Variants in PPIH observed in about 807,000 individuals in gnomAD.
PPIH encodes the protein peptidyl-prolyl cis-trans isomerase H.
PPIH carries 16 observed loss-of-function variants against 27.6 expected under a neutral mutation model. That is an observed-to-expected ratio of 0.58 (90% CI 0.39 to 0.88). The LOEUF is 0.88. Among genes scored for constraint, PPIH ranks in the 40% least tolerant of loss-of-function variants. The pLI, the probability that PPIH is intolerant of heterozygous loss-of-function variation, is 0.00. For missense variants in PPIH, 155 were observed against 224.1 expected, an observed-to-expected ratio of 0.69 and a Z score of 1.97; for synonymous variants, 63 against 76.1, an observed-to-expected ratio of 0.83 and a Z score of 0.90.
intron 5 of PPIH, among the ~76,000 whole-genome samples, chr1:42,663,900 T>G (rs1272195291): frequency 1.3e-5 from 2 of 152,190 alleles, no homozygotes; most frequent in Admixed American, 6.5e-5. Context: ...GAGGAGAGCT[T>G]GATCTTTTTG....
At chr1:42,671,210 C>G (rs979979503) in intron 9 of PPIH, among the ~76,000 whole-genome samples, 3 of 152,130 alleles carry the variant, frequency 2.0e-5, no homozygotes, top group African/African-American at 7.2e-5. Flanking sequence ...AGGTGGATCG[C>G]TTGAGGCCAG....
At chr1:42,669,617 T>C (rs1649523548) in intron 9 of PPIH, among the ~76,000 whole-genome samples, 1 of 152,228 alleles carries the variant, frequency 6.6e-6, no homozygotes, top group East Asian at 1.9e-4. Context: ...TTATATGTTG[T>C]AATTGTTTTC....
chr1:42,659,281 C>T (rs747217439), intron 3 of PPIH, 30 bp downstream of exon 3: 140 of 1,614,052 alleles, frequency 8.7e-5, no homozygotes, highest in Non-Finnish European at 1.1e-4. Flanking sequence ...GACTTCTTTG[C>T]CTGCTCCAGA....
At position 42,667,443 on chromosome 1, in the gene PPIH, A is replaced by G; in HGVS notation, c.*21+3A>G. ...AGTCCAGACAAAGACTGAATCAGGT[A>G]AGTGTGTCTTTCTCCTATTAGGTTA... On this transcript the variant is annotated splice_donor_region_variant and intron_variant, in intron 9 of 9. Transcript: ENST00000304979. The G allele has an allele frequency of 3.2e-6, 5 of 1,559,366 alleles. No homozygotes were observed. Among genetic ancestry groups the G allele is most frequent in the Non-Finnish European group, 4.4e-6 (5 of 1,130,500 alleles).
At chr1:42,681,075 C>T (rs1650005527), downstream of PPIH, 1 of 152,224 alleles carries the variant, frequency 6.6e-6, no homozygotes. Context: ...CTCCTAACTG[C>T]TTTCTCTACT....
intron 9 of PPIH, among the ~76,000 whole-genome samples, chr1:42,671,064 G>A (rs1418198718): frequency 6.6e-6 from 1 of 152,026 alleles, no homozygotes; most frequent in Non-Finnish European, 1.5e-5. Flanking sequence ...CCAAAGTGCT[G>A]GGATTATAGG....
chr1:42,669,383 T>G (rs79951568), intron 9 of PPIH, among the ~76,000 whole-genome samples: 1,751 of 152,250 alleles, frequency 0.012, 35 homozygotes, highest in African/African-American at 0.04. Context: ...ACAAACGTAT[T>G]AAAAATATTG....
chr1:42,671,555 C>T (rs1418827217), intron 9 of PPIH, among the ~76,000 whole-genome samples: 1 of 152,218 alleles, frequency 6.6e-6, no homozygotes, highest in Non-Finnish European at 1.5e-5. Flanking sequence ...TTGCTTAGAA[C>T]TGAATCTCGT....
intron 4 of PPIH, 61 bp from the exon 5 acceptor site, chr1:42,660,801 A>G: frequency 7.4e-6 from 10 of 1,357,478 alleles, no homozygotes; most frequent in Non-Finnish European, 1.0e-5. Flanking sequence ...TACAATAATA[A>G]CAACATCTAT....
chr1:42,678,561 G>A (rs1189064092), downstream of PPIH, among the ~76,000 whole-genome samples: 3 of 151,990 alleles, frequency 2.0e-5, no homozygotes, highest in South Asian at 2.1e-4. Context: ...CACCGTGCCC[G>A]TCTAATTTTT....
At chr1:42,658,679 C>T in intron 1 of PPIH, 165 bp from the exon 2 acceptor site, 1 of 1,107,946 alleles carries the variant, frequency 9.0e-7, no homozygotes. Flanking sequence ...AGGAGTCTCC[C>T]CAATCCTAGC....
chr1:42,661,961 A>G (rs1649048100), intron 5 of PPIH, among the ~76,000 whole-genome samples: 2 of 152,190 alleles, frequency 1.3e-5, no homozygotes, highest in Non-Finnish European at 1.5e-5. Context: ...CCCTTTGGAC[A>G]TGGCATATCT....
rs575915706 is a variant in PPIH at position 42,661,007 on chromosome 1, A to G, written c.243+103A>G. ...CAGAGACCCAGTCTTCAGGCTTGAG[A>G]ACAATAGCCAGGTTTGATGTGGGTG... On this transcript the variant is annotated intron_variant, in intron 5 of 9. Transcript: ENST00000304979. The G allele has an allele frequency of 2.8e-6, 3 of 1,080,334 alleles. No individual in the cohort carries two copies. In the East Asian group the frequency reaches 7.3e-5, roughly 26 times the overall value. The allele number at this position is 1,080,334 out of a possible 1,614,324, so 66.9% of individuals were successfully genotyped here. A position where few individuals can be genotyped will look rare whatever the true frequency, so the allele number is the denominator to read the frequency against.
chr1:42,666,117 A>T, intron 7 of PPIH, 50 bp downstream of exon 7: 1 of 1,527,522 alleles, frequency 6.5e-7, no homozygotes, highest in Non-Finnish European at 9.1e-7. Flanking sequence ...CCCTGGATGG[A>T]ACCTCCAGAG....
At chr1:42,675,306 C>G (rs1218527911) in intron 9 of PPIH, 2 of 152,228 alleles carry the variant, frequency 1.3e-5, no homozygotes, top group African/African-American at 4.8e-5. Context: ...AGGAGCCTGC[C>G]CACAGCTGTG....
At chr1:42,676,104 T>A (rs1002844191) in intron 9 of PPIH, among the ~76,000 whole-genome samples, 1 of 152,220 alleles carries the variant, frequency 6.6e-6, no homozygotes. Context: ...TCTGGGGACC[T>A]AAAGGTCTGA....
intron 8 of PPIH, 105 bp downstream of exon 8, chr1:42,666,692 C>G: frequency 8.4e-7 from 1 of 1,187,924 alleles, no homozygotes; most frequent in Non-Finnish European, 1.2e-6. Context: ...GTTTGTTAGG[C>G]TGTCTTCATT....
chr1:42,658,846 A>G lies in PPIH; in HGVS notation c.69A>G (p.Glu23=). ...TGACACTCTCCCGCTGATTGCAGGA[A>G]GTTGGCCGCATGAAGATCGAGCTCT... ...VFFDVSIGGQ[E]VGRMKIELFA... is the part of the protein sequence containing the mutation. Residue 23 remains glutamate, a splice_region_variant and synonymous_variant, in exon 2 of 10, where the codon GAA becomes GAG. Transcript: ENST00000304979. The G allele has an allele frequency of 6.2e-7, 1 of 1,614,202 alleles. No individual in the cohort carries two copies. Among genetic ancestry groups the G allele is most frequent in the Non-Finnish European group, 8.5e-7 (1 of 1,180,018 alleles).
downstream of PPIH, chr1:42,681,552 T>C (rs1435989121): frequency 2.6e-5 from 4 of 152,206 alleles, no homozygotes. Flanking sequence ...ATTTTATCGT[T>C]TGTGAAACGT....
Sources: allele counts gnomAD v4.1 joint callset (sites outside exome capture counted in the v4.1 genomes callset), GRCh38; gene constraint gnomAD v4.1.1; transcripts MANE v1.5; gene names NCBI Gene and HGNC (gene_info 2026-07-23, HGNC 2026-07-21).